The following MYOF variants were observed in gnomAD, a reference collection of about 807,000 sequenced individuals.
MYOF encodes the protein fer-1-like 3, myoferlin.
Under a neutral mutation model 284.2 loss-of-function variants are expected in MYOF, and 244 were observed. The observed-to-expected ratio is 0.86, with a 90% CI of 0.77 to 0.95. MYOF has a LOEUF of 0.95. Among genes scored for constraint, MYOF ranks in the 40% least tolerant of loss-of-function variants. The probability of loss-of-function intolerance (pLI) is 0.00; values close to 1 mark genes in which losing one functional copy is unlikely to be tolerated. For synonymous variants in MYOF, 904 were observed against 919.7 expected, an observed-to-expected ratio of 0.98 and a Z score of 0.31; for missense variants, 2,496 against 2,560.6, an observed-to-expected ratio of 0.97 and a Z score of 0.54.
chr10:93,456,980 A>T (rs750890291), intron 1 of MYOF, 43 bp from the exon 2 acceptor site: 1 of 1,473,142 alleles, frequency 6.8e-7, no homozygotes, highest in African/African-American at 1.4e-5. Flanking sequence ...ATTTATAAAA[A>T]AATTAAAGAG....
intron 7 of MYOF, among the ~76,000 whole-genome samples, chr10:93,405,249 A>G (rs2134104426): frequency 6.6e-6 from 1 of 152,338 alleles, no homozygotes; most frequent in African/African-American, 2.4e-5. Flanking sequence ...CCATTATCAT[A>G]ACCAAGAAAT....
intron 1 of MYOF, among the ~76,000 whole-genome samples, chr10:93,473,377 C>A (rs956229272): frequency 7.9e-5 from 12 of 152,200 alleles, no homozygotes; most frequent in Non-Finnish European, 1.6e-4. Flanking sequence ...AAAACCAAGG[C>A]AATTGGTGTT....
At chr10:93,357,505 T>C (rs568593731) in intron 29 of MYOF, among the ~76,000 whole-genome samples, 29 of 152,324 alleles carry the variant, frequency 1.9e-4, no homozygotes, top group African/African-American at 7.0e-4. Context: ...GAAGAAGAGA[T>C]AGGGTCTTTG....
At position 93,441,588 on chromosome 10, in the gene MYOF, G is replaced by C. The variant is rs1365540961; in HGVS notation, c.237-10072C>G. Among the ~76,000 whole-genome samples, 3 of 140,290 alleles carry C rather than the reference G, an allele frequency of 2.1e-5. No homozygotes were observed. The Admixed American group carries it at 2.3e-4, about 11-fold the overall frequency. The allele number at this position is 140,290 out of a possible 152,430, so 92.0% of individuals were successfully genotyped here. ...TTTTTTTTTTTTTTTTTTTGAGACA[G>C]AGTCTCACTCTGTCACCCAGGCCGG... On this transcript the variant is annotated intron_variant, in intron 3 of 53. Coordinates refer to ENST00000359263, the MANE Select transcript of MYOF (RefSeq NM_013451.4).
chr10:93,335,846 T>C lies in MYOF; in HGVS notation c.4563+75A>G, dbSNP rs1290706907. 16 of 1,538,546 alleles carry C rather than the reference T, an allele frequency of 1.0e-5. No homozygotes were observed. In the Admixed American group the frequency reaches 1.4e-4, roughly 13 times the overall value. ...GCAGGATGTGCCCCTCCCTAGAGCC[T>C]GGTTGTCCTTTATTCTAGGCCTATA... On this transcript the variant is annotated intron_variant, in intron 41 of 53. Transcript: ENST00000359263.
intron 31 of MYOF, among the ~76,000 whole-genome samples, chr10:93,354,611 A>G (rs1347110095): frequency 6.7e-5 from 10 of 150,192 alleles, no homozygotes; most frequent in African/African-American, 2.4e-4. Context: ...ACATTTCAAA[A>G]TATTCATACT....
At chr10:93,448,007 T>C (rs983076452) in intron 3 of MYOF, among the ~76,000 whole-genome samples, 4 of 152,194 alleles carry the variant, frequency 2.6e-5, no homozygotes, top group African/African-American at 9.7e-5. Context: ...CCACTTAGGA[T>C]GAAATCCAAA....
At chr10:93,439,702 G>T (rs936173324) in intron 3 of MYOF, among the ~76,000 whole-genome samples, 1 of 152,214 alleles carries the variant, frequency 6.6e-6, no homozygotes, top group African/African-American at 2.4e-5. Context: ...TTAAAAGGAT[G>T]ATATGGCAAG....
At chr10:93,464,123 C>T (rs1369892430) in intron 1 of MYOF, among the ~76,000 whole-genome samples, 1 of 152,174 alleles carries the variant, frequency 6.6e-6, no homozygotes, top group Non-Finnish European at 1.5e-5. Context: ...CTCATCCAAA[C>T]AGTTGAAGGT....
intron 1 of MYOF, among the ~76,000 whole-genome samples, chr10:93,465,876 C>A (rs1469730396): frequency 6.6e-6 from 1 of 152,212 alleles, no homozygotes; most frequent in African/African-American, 2.4e-5. Flanking sequence ...AGTTCCCAGG[C>A]TGTGGAGCTC....
chr10:93,438,954 G>A (rs2056159700), intron 3 of MYOF, among the ~76,000 whole-genome samples: 1 of 152,146 alleles, frequency 6.6e-6, no homozygotes, highest in Admixed American at 6.5e-5. Context: ...TCGAAAGGGG[G>A]TGTGGCTTTT....
intron 1 of MYOF, among the ~76,000 whole-genome samples, chr10:93,472,009 TG>T (rs2057157666): frequency 6.6e-6 from 1 of 152,144 alleles, no homozygotes; most frequent in African/African-American, 2.4e-5. Context: ...TCTGGCCACA[TG>T]GACCTCAGAG....
chr10:93,426,778 A>G (rs1848606055), intron 4 of MYOF, among the ~76,000 whole-genome samples: 2 of 151,776 alleles, frequency 1.3e-5, no homozygotes, highest in Non-Finnish European at 2.9e-5. Context: ...AATCCCAGCT[A>G]CTCAGAGGCT....
intron 37 of MYOF, among the ~76,000 whole-genome samples, chr10:93,345,662 T>C (rs1844155614): frequency 6.6e-6 from 1 of 152,182 alleles, no homozygotes; most frequent in African/African-American, 2.4e-5. Flanking sequence ...AGTTCTTTCC[T>C]AGAGGATCAG....
intron 12 of MYOF, among the ~76,000 whole-genome samples, chr10:93,400,871 T>A (rs939128763): frequency 6.7e-6 from 1 of 148,628 alleles, no homozygotes; most frequent in Non-Finnish European, 1.5e-5. Flanking sequence ...TTTTTTTTTT[T>A]TTTTTGAGAT....
chr10:93,313,050 G>A lies in MYOF; in HGVS notation c.5859C>T (p.Tyr1953=), dbSNP rs192250227. ...TTACGCGGGCGCCATCTTTCTCTGCGTAGCATGGCCACCATCCTTTCATGG... is the reference window on the plus strand; with the variant it reads ...TTACGCGGGCGCCATCTTTCTCTGCATAGCATGGCCACCATCCTTTCATGG... ...QKSMKGWWPC[Y]AEKDGARVMA... is the part of the protein sequence containing the mutation. The change falls in exon 51 of 54, where the codon TAC becomes TAT. Residue 1953 remains tyrosine, a synonymous_variant. Coordinates refer to ENST00000359263, the MANE Select transcript of MYOF (RefSeq NM_013451.4). The A allele has an allele frequency of 8.7e-6, 14 of 1,613,214 alleles. No homozygotes were observed. The highest frequency in any genetic ancestry group is 4.4e-5 in the South Asian group (4 of 90,878).
At chr10:93,453,379 T>A (rs902114720) in intron 2 of MYOF, among the ~76,000 whole-genome samples, 1 of 152,200 alleles carries the variant, frequency 6.6e-6, no homozygotes, top group Admixed American at 6.5e-5. Context: ...TTGGCCAGGC[T>A]GGTCTCGAAC....
At chr10:93,397,861 A>G (rs1374484537) in intron 13 of MYOF, among the ~76,000 whole-genome samples, 1 of 151,870 alleles carries the variant, frequency 6.6e-6, no homozygotes, top group East Asian at 1.9e-4. Context: ...CAGTCTTTCC[A>G]TCGCTCTTCA....
Position 93,378,693 on chromosome 10 carries a change from G to GTGTA in MYOF, c.2001+1169_2001+1170insTACA. ...TATGTGTGTGTGTATGTGTGTGTGT[G>GTGTA]TATATATATATATATATATATATGT... On this transcript the variant is annotated intron_variant, in intron 21 of 53. Transcript: ENST00000359263. Among the ~76,000 whole-genome samples the GTGTA allele has an allele frequency of 1.8e-3, 157 of 87,894 alleles. 4 individuals carry two copies. The highest frequency in any genetic ancestry group is 7.2e-3 in the African/African-American group (150 of 20,798). The allele number at this position is 87,894 out of a possible 152,430, so 57.7% of individuals were successfully genotyped here. A position where few individuals can be genotyped will look rare whatever the true frequency, so the allele number is the denominator to read the frequency against.
Sources: gnomAD v4.1 joint callset for allele counts (sites outside exome capture counted in the v4.1 genomes callset) on GRCh38, gnomAD v4.1.1 for gene constraint, MANE v1.5 for transcripts, NCBI Gene and HGNC (gene_info 2026-07-23, HGNC 2026-07-21) for gene names.